Variants in FRRS1 observed in about 807,000 individuals in gnomAD.
FRRS1 encodes the protein ferric chelate reductase 1, also known as ferric reductase 1.
In FRRS1, 51 loss-of-function variants were observed where a neutral mutation model predicts 70.7. That is an observed-to-expected ratio of 0.72 (90% CI 0.58 to 0.91). FRRS1 has a LOEUF of 0.91. Ranked by LOEUF, FRRS1 falls within the 40% of genes least tolerant of loss-of-function variation. FRRS1 has a pLI of 0.00. For missense variants in FRRS1, 672 were observed against 726.0 expected (o/e 0.93, Z 0.86); for synonymous variants, 225 against 238.7 (o/e 0.94, Z 0.53).
Position 99,717,756 on chromosome 1 carries a change from T to C in FRRS1, c.1121-231A>G, listed in dbSNP as rs1654607602. Among the ~76,000 whole-genome samples the C allele has an allele frequency of 1.3e-5, 2 of 152,236 alleles. 1 individual carries two copies. Among genetic ancestry groups the C allele is most frequent in the Non-Finnish European group, 2.9e-5 (2 of 68,038 alleles). On this transcript the variant is annotated intron_variant, in intron 10 of 16. Transcript: ENST00000646001. The stretch of plus-strand genomic sequence containing the variant: ...CCAGGCATTCTAAATGCTTTACATA[T>C]ACTAATTTAGTTGATCTTTACAACA...
At chr1:99,763,024 A>C (rs1166597921) in intron 1 of FRRS1, among the ~76,000 whole-genome samples, 2 of 152,204 alleles carry the variant, frequency 1.3e-5, no homozygotes, top group African/African-American at 4.8e-5. Context: ...TTATTTTCCT[A>C]AGGTACAATT....
chr1:99,746,223 C>A (rs1373689440), intron 4 of FRRS1, among the ~76,000 whole-genome samples: 1 of 152,198 alleles, frequency 6.6e-6, no homozygotes, highest in African/African-American at 2.4e-5. Flanking sequence ...AACTCAGTCT[C>A]TAGCTCAGGA....
chr1:99,709,644 T>C (rs1270936128), intron 15 of FRRS1, among the ~76,000 whole-genome samples: 1 of 152,166 alleles, frequency 6.6e-6, no homozygotes, highest in East Asian at 1.9e-4. Flanking sequence ...ATGATAACTA[T>C]CCAGGTTTTA....
intron 12 of FRRS1, 103 bp downstream of exon 12, chr1:99,715,483 T>A: frequency 1.4e-6 from 1 of 703,952 alleles, no homozygotes; most frequent in East Asian, 2.6e-5. Flanking sequence ...GAAAGAGGGA[T>A]CAATGCTGAA....
chr1:99,757,501 C>T (rs2100999055), intron 1 of FRRS1, among the ~76,000 whole-genome samples: 1 of 152,254 alleles, frequency 6.6e-6, no homozygotes, highest in South Asian at 2.1e-4. Context: ...ATTTGTGAGC[C>T]TGAACAAAAA....
chr1:99,754,794 G>A (rs558582008), intron 1 of FRRS1, among the ~76,000 whole-genome samples: 8 of 152,230 alleles, frequency 5.3e-5, no homozygotes, highest in Non-Finnish European at 1.0e-4. Context: ...ATATAGTTAC[G>A]TAAACAAATC....
At chr1:99,724,573 T>C (rs1050674979) in intron 9 of FRRS1, among the ~76,000 whole-genome samples, 15 of 152,216 alleles carry the variant, frequency 9.9e-5, no homozygotes, top group African/African-American at 3.4e-4. Context: ...GCTTTGAAAA[T>C]TGGCTTAAAC....
rs749248430 is a variant in FRRS1 at position 99,748,771 on chromosome 1, C to A, written c.1-3G>T. The stretch of plus-strand genomic sequence containing the variant: ...AGAGTAAATCCAGAAACTGCCATCT[C>A]AAAAAGAAGGGTAAAAGCCCATTAT... On this transcript the variant is annotated splice_region_variant and splice_polypyrimidine_tract_variant and intron_variant, in intron 2 of 16. Coordinates refer to ENST00000646001, the MANE Select transcript of FRRS1 (RefSeq NM_001361041.2). 2 of 1,610,016 alleles carry A rather than the reference C, an allele frequency of 1.2e-6. No individual in the cohort carries two copies. The highest frequency in any genetic ancestry group is 2.2e-5 in the South Asian group (2 of 90,526).
chr1:99,735,331 C>T (rs112038815), intron 7 of FRRS1, among the ~76,000 whole-genome samples: 12 of 152,226 alleles, frequency 7.9e-5, no homozygotes, highest in African/African-American at 1.9e-4. Flanking sequence ...GTAAATTACA[C>T]ATTTTGATTT....
At chr1:99,723,640 A>G (rs1004724981) in intron 9 of FRRS1, among the ~76,000 whole-genome samples, 10 of 152,224 alleles carry the variant, frequency 6.6e-5, no homozygotes, top group Non-Finnish European at 1.2e-4. Flanking sequence ...AAACTCACAA[A>G]CCTATTATAA....
At chr1:99,742,068 C>A in intron 5 of FRRS1, 111 bp downstream of exon 5, 1 of 674,594 alleles carries the variant, frequency 1.5e-6, no homozygotes, top group Non-Finnish European at 2.6e-6. Flanking sequence ...TTGCCCAGGC[C>A]AGTCTCAAAA....
At chr1:99,731,603 T>C (rs1655392555) in intron 7 of FRRS1, among the ~76,000 whole-genome samples, 1 of 152,186 alleles carries the variant, frequency 6.6e-6, no homozygotes, top group Admixed American at 6.5e-5. Flanking sequence ...TCTACATACT[T>C]AGGTGGTGAA....
rs201212585 is a variant in FRRS1 at position 99,706,222 on chromosome 1, AC to A, written c.*2805del. On this transcript the variant is annotated 3_prime_UTR_variant, in exon 17 of 17. Coordinates refer to ENST00000646001, the MANE Select transcript of FRRS1 (RefSeq NM_001361041.2). Reference sequence around the variant, plus strand: ...GGCAACAAAGGGAGATCCCTTCTCTACCAAAAAAAAAAAAAAATTTTTTTTT... The same window carrying A: ...GGCAACAAAGGGAGATCCCTTCTCTACAAAAAAAAAAAAAAATTTTTTTTT... Among the ~76,000 whole-genome samples, 2 of 137,846 alleles carry A rather than the reference AC, an allele frequency of 1.5e-5. No homozygotes were observed. Among genetic ancestry groups the A allele is most frequent in the Admixed American group, 7.0e-5 (1 of 14,310 alleles). 90.4% of individuals were successfully genotyped at this position (137,846 alleles called of 152,430 possible).
Position 99,755,277 on chromosome 1 carries a change from T to G in FRRS1, c.-105-6276A>C, listed in dbSNP as rs377199061. On this transcript the variant is annotated intron_variant, in intron 1 of 16. Coordinates refer to ENST00000646001, the MANE Select transcript of FRRS1 (RefSeq NM_001361041.2). ...CTCCAAAAATTTAAAAAAAAAAAAA[T>G]TAGCCAGGCACAGTGGCATGCCTGT... Among the ~76,000 whole-genome samples the G allele has an allele frequency of 2.4e-5, 3 of 122,806 alleles. No homozygotes were observed. In the East Asian group the frequency reaches 6.7e-4, roughly 28 times the overall value. 80.6% of individuals were successfully genotyped at this position (122,806 alleles called of 152,430 possible).
rs954706449 is a variant in FRRS1, at chr1:99,708,307, T to C, written c.*721A>G. Among the ~76,000 whole-genome samples the C allele has an allele frequency of 1.3e-5, 2 of 152,056 alleles. No individual in the cohort carries two copies. Among genetic ancestry groups the C allele is most frequent in the Admixed American group, 1.3e-4 (2 of 15,272 alleles). ...CACAGCACCTTTGTAGTTCAAAATATATTTACCATAGGCTGGGCGTGGTGG... is the reference window on the plus strand; with the variant it reads ...CACAGCACCTTTGTAGTTCAAAATACATTTACCATAGGCTGGGCGTGGTGG... On this transcript the variant is annotated 3_prime_UTR_variant, in exon 17 of 17. Coordinates refer to ENST00000646001, the MANE Select transcript of FRRS1 (RefSeq NM_001361041.2).
intron 1 of FRRS1, among the ~76,000 whole-genome samples, chr1:99,754,761 G>C (rs1430515946): frequency 6.6e-6 from 1 of 152,148 alleles, no homozygotes; most frequent in African/African-American, 2.4e-5. Context: ...TGCTTAACGG[G>C]AAATTTACAG....
chr1:99,732,919 C>A (rs1017415265), intron 7 of FRRS1, among the ~76,000 whole-genome samples: 46 of 151,440 alleles, frequency 3.0e-4, no homozygotes, highest in African/African-American at 1.1e-3. Flanking sequence ...ATACAGCTCA[C>A]TGCAGCTTTG....
intron 1 of FRRS1, among the ~76,000 whole-genome samples, chr1:99,759,821 G>A (rs1292162449): frequency 6.6e-6 from 1 of 152,186 alleles, no homozygotes; most frequent in African/African-American, 2.4e-5. Flanking sequence ...CTTCTTATTA[G>A]AGATGAGGAA....
chr1:99,760,994 T>G (rs1350063595), intron 1 of FRRS1, among the ~76,000 whole-genome samples: 4 of 151,972 alleles, frequency 2.6e-5, no homozygotes, highest in Non-Finnish European at 5.9e-5. Flanking sequence ...TGAGTGAAAG[T>G]AAGACAAAGT....
Sources: allele counts gnomAD v4.1 joint callset (sites outside exome capture counted in the v4.1 genomes callset), GRCh38; gene constraint gnomAD v4.1.1; transcripts MANE v1.5; gene names NCBI Gene and HGNC (gene_info 2026-07-23, HGNC 2026-07-21).